The following KCNJ4 variants were observed in gnomAD, a reference collection of about 807,000 sequenced individuals.
KCNJ4 encodes the protein potassium inwardly rectifying channel subfamily J member 4, also known as inward rectifier potassium channel 4.
In KCNJ4, 3 loss-of-function variants were observed where a neutral mutation model predicts 25.6. That is an observed-to-expected ratio of 0.12 (90% CI 0.05 to 0.30). KCNJ4 has a LOEUF of 0.30. Ranked by LOEUF, KCNJ4 falls within the 10% of genes least tolerant of loss-of-function variation. The probability of loss-of-function intolerance (pLI) is 1.00; values close to 1 mark genes in which losing one functional copy is unlikely to be tolerated. For synonymous variants in KCNJ4, 257 were observed against 283.9 expected (o/e 0.91, Z 0.95); for missense variants, 286 against 666.8 (o/e 0.43, Z 6.29).
chr22:38,442,544 C>CAAAAAAAAA lies in KCNJ4; in HGVS notation c.-40+12427_-40+12435dup, dbSNP rs10631730. ...CCTGGGTGACAGAGCAAGACTCCAT[C>CAAAAAAAAA]AAAAAAAAAAAAAAAAAAGGACTGT... On this transcript the variant is annotated intron_variant, in intron 1 of 1. Coordinates refer to ENST00000303592, the MANE Select transcript of KCNJ4 (RefSeq NM_152868.3). 3.2e-5 allele frequency among the ~76,000 whole-genome samples: 3 copies of CAAAAAAAAA among 93,926 alleles called. 1 individual carries two copies. The highest frequency in any genetic ancestry group is 3.3e-4 in the East Asian group (1 of 2,996). 61.6% of individuals were successfully genotyped at this position (93,926 alleles called of 152,430 possible). A position where few individuals can be genotyped will look rare whatever the true frequency, so the allele number is the denominator to read the frequency against.
intron 1 of KCNJ4, among the ~76,000 whole-genome samples, chr22:38,447,548 G>A (rs1400446467): frequency 6.6e-6 from 1 of 152,112 alleles, no homozygotes; most frequent in Non-Finnish European, 1.5e-5. Context: ...AGGGTCCTGG[G>A]CTTCTCAGGC....
intron 1 of KCNJ4, among the ~76,000 whole-genome samples, chr22:38,430,793 G>T: frequency 6.6e-6 from 1 of 152,296 alleles, no homozygotes; most frequent in East Asian, 1.9e-4. Flanking sequence ...CAGGGGCACC[G>T]CGGACTGTCA....
At chr22:38,445,775 A>C (rs920356126) in intron 1 of KCNJ4, among the ~76,000 whole-genome samples, 1 of 152,160 alleles carries the variant, frequency 6.6e-6, no homozygotes, top group Non-Finnish European at 1.5e-5. Context: ...CAATTTCCCA[A>C]CCCACTAACG....
At position 38,426,628 on chromosome 22, in the gene KCNJ4, G is replaced by A. The variant is rs1018557222; in HGVS notation, c.*167C>T. 8 of 849,936 alleles carry A rather than the reference G, an allele frequency of 9.4e-6. No homozygotes were observed. In the African/African-American group the frequency reaches 1.2e-4, roughly 13 times the overall value. 52.6% of individuals were successfully genotyped at this position (849,936 alleles called of 1,614,324 possible). Reference sequence around the variant, plus strand: ...GGGGCCGAGCTCTTCCCAGGCCTGGGTGCTGGAGTCAGGAGGAAGGGGTCC... The same window carrying A: ...GGGGCCGAGCTCTTCCCAGGCCTGGATGCTGGAGTCAGGAGGAAGGGGTCC... On this transcript the variant is annotated 3_prime_UTR_variant, in exon 2 of 2. Coordinates refer to ENST00000303592, the MANE Select transcript of KCNJ4 (RefSeq NM_152868.3).
At chr22:38,448,082 A>C (rs1417343520) in intron 1 of KCNJ4, among the ~76,000 whole-genome samples, 2 of 150,242 alleles carry the variant, frequency 1.3e-5, no homozygotes, top group African/African-American at 4.9e-5. Flanking sequence ...AAAGAAAAGA[A>C]AAGAAAAGAA....
chr22:38,444,943 T>C (rs1471963285), intron 1 of KCNJ4, among the ~76,000 whole-genome samples: 1 of 152,186 alleles, frequency 6.6e-6, no homozygotes, highest in Non-Finnish European at 1.5e-5. Flanking sequence ...TGCCTTGCCT[T>C]GGAGGGCGGT....
intron 1 of KCNJ4, among the ~76,000 whole-genome samples, chr22:38,432,394 G>C (rs1159598929): frequency 6.6e-6 from 1 of 152,182 alleles, no homozygotes; most frequent in Non-Finnish European, 1.5e-5. Flanking sequence ...TAATTTGCTT[G>C]CATGGAATGT....
rs534610662 is a variant in KCNJ4 at position 38,451,303 on chromosome 22, G to A, written c.-40+3677C>T. On this transcript the variant is annotated intron_variant, in intron 1 of 1. Transcript: ENST00000303592. ...GCTTGAATACCTCTAGGATTGAGGAGCCCACTATCTCACAAAACAACCACA... is the reference window on the plus strand; with the variant it reads ...GCTTGAATACCTCTAGGATTGAGGAACCCACTATCTCACAAAACAACCACA... Among the ~76,000 whole-genome samples, 8 of 152,232 alleles carry A rather than the reference G, an allele frequency of 5.3e-5. No homozygotes were observed. In the South Asian group the frequency reaches 1.7e-3, roughly 32 times the overall value.
In KCNJ4 at chr22:38,426,507, A is replaced by G; in HGVS notation, c.*288T>C. ...CACCTTCCCCAAGGTTCTGAGAGCA[A>G]AGAGGGCACGTCCTTGAAGAGTCAG... On this transcript the variant is annotated 3_prime_UTR_variant, in exon 2 of 2. Transcript: ENST00000303592. 1 of 317,860 alleles carries G rather than the reference A, an allele frequency of 3.1e-6. No homozygotes were observed. The highest frequency in any genetic ancestry group is 2.1e-5 in the African/African-American group (1 of 46,540). 19.7% of individuals were successfully genotyped at this position (317,860 alleles called of 1,614,324 possible).
chr22:38,429,645 C>T (rs903248615), intron 1 of KCNJ4, among the ~76,000 whole-genome samples: 3 of 152,176 alleles, frequency 2.0e-5, no homozygotes, highest in Non-Finnish European at 4.4e-5. Flanking sequence ...CCAGCTGTTG[C>T]AGCAGAAGAG....
rs758539629 is a variant in KCNJ4, at chr22:38,426,980, C to T, written c.1153G>A (p.Glu385Lys). ...NELALMSQEE[E>K]EMEEEAAAAA... ...GCAGCTGCCTCCTCCTCCATCTCCTCTTCCTCCTGGCTCATAAGGGCCAGC... is the reference window on the plus strand; with the variant it reads ...GCAGCTGCCTCCTCCTCCATCTCCTTTTCCTCCTGGCTCATAAGGGCCAGC... The change falls in exon 2 of 2, where the codon GAG (glutamate) becomes AAG (lysine). Residue 385 changes from glutamate to lysine, a missense_variant. Glu to Lys is a moderately conservative substitution (Grantham distance 56). This residue lies in a region of KCNJ4 where 77 missense variants were observed against 97.6 expected (regional missense o/e 0.79). Coordinates refer to ENST00000303592, the MANE Select transcript of KCNJ4 (RefSeq NM_152868.3). The T allele has an allele frequency of 6.2e-7, 1 of 1,612,832 alleles. No individual in the cohort carries two copies. The highest frequency in any genetic ancestry group is 2.2e-5 in the East Asian group (1 of 44,854).
rs201862614 is a variant in KCNJ4 at position 38,427,587 on chromosome 22, C to T, written c.546G>A (p.Ala182=). The part of the protein sequence containing the change: ...MAKMARPKKR[A]QTLLFSHHAV... ...CGTGGTGGCTGAACAGCAACGTCTGCGCCCGCTTCTTGGGCCGCGCCATCT... is the reference window on the plus strand; with the variant it reads ...CGTGGTGGCTGAACAGCAACGTCTGTGCCCGCTTCTTGGGCCGCGCCATCT... The change falls in exon 2 of 2, where the codon GCG becomes GCA. Residue 182 remains alanine, a synonymous_variant. Coordinates refer to ENST00000303592, the MANE Select transcript of KCNJ4 (RefSeq NM_152868.3). The T allele has an allele frequency of 6.6e-5, 107 of 1,612,210 alleles. No individual in the cohort carries two copies. Among genetic ancestry groups the T allele is most frequent in the African/African-American group, 5.3e-4 (40 of 75,044 alleles).
chr22:38,441,253 G>A (rs1199382828), intron 1 of KCNJ4, among the ~76,000 whole-genome samples: 1 of 152,110 alleles, frequency 6.6e-6, no homozygotes, highest in African/African-American at 2.4e-5. Flanking sequence ...CCTCCACTTG[G>A]CTTCCCTCCC....
chr22:38,446,391 G>A (rs1289872082), intron 1 of KCNJ4, among the ~76,000 whole-genome samples: 1 of 152,240 alleles, frequency 6.6e-6, no homozygotes, highest in Admixed American at 6.5e-5. Flanking sequence ...CCAAGGTCAG[G>A]TGGGCTCAGG....
intron 1 of KCNJ4, among the ~76,000 whole-genome samples, chr22:38,437,023 G>A (rs1291972790): frequency 6.6e-6 from 1 of 152,182 alleles, no homozygotes; most frequent in Non-Finnish European, 1.5e-5. Context: ...TGGATCACAG[G>A]GCAAGTTGGA....
chr22:38,439,894 T>C, intron 1 of KCNJ4, among the ~76,000 whole-genome samples: 1 of 143,260 alleles, frequency 7.0e-6, no homozygotes, highest in Non-Finnish European at 1.5e-5. Context: ...ATTGAGACCA[T>C]CTTGGCTAAC....
intron 1 of KCNJ4, among the ~76,000 whole-genome samples, chr22:38,435,856 A>G (rs1044074281): frequency 1.3e-5 from 2 of 152,066 alleles, no homozygotes; most frequent in Non-Finnish European, 1.5e-5. Flanking sequence ...GGAGGAAGAG[A>G]ACTCAAGACC....
chr22:38,426,898 C>T lies in KCNJ4; in HGVS notation c.1235G>A (p.Gly412Asp). Residue 412 changes from glycine to aspartate, a missense_variant, in exon 2 of 2, where the codon GGC becomes GAC. By Grantham distance (94) the Gly-to-Asp change is moderately conservative. This residue lies in a region of KCNJ4 where 77 missense variants were observed against 97.6 expected (regional missense o/e 0.79). Transcript: ENST00000303592. Reference protein sequence around the residue: ...GLEAGSKEEAGIIRMLEFGSH... With the variant: ...GLEAGSKEEADIIRMLEFGSH... ...GCCGAACTCCAGCATCCGGATGATG[C>T]CCGCCTCCTCCTTGGAACCCGCCTC... is the stretch of plus-strand genomic sequence containing the variant. 2 of 1,613,078 alleles carry T rather than the reference C, an allele frequency of 1.2e-6. No homozygotes were observed. Among genetic ancestry groups the T allele is most frequent in the Non-Finnish European group, 1.7e-6 (2 of 1,179,934 alleles).
At chr22:38,435,887 G>T (rs2145937644) in intron 1 of KCNJ4, among the ~76,000 whole-genome samples, 1 of 152,122 alleles carries the variant, frequency 6.6e-6, no homozygotes, top group Admixed American at 6.5e-5. Flanking sequence ...GGCTCTTTGA[G>T]CTGTACCCCT....
Sources: allele counts gnomAD v4.1 joint callset (sites outside exome capture counted in the v4.1 genomes callset), GRCh38; gene constraint gnomAD v4.1.1; regional missense constraint gnomAD v4.1.1; transcripts MANE v1.5; gene names NCBI Gene and HGNC (gene_info 2026-07-23, HGNC 2026-07-21).